The following CYP27C1 variants were observed in gnomAD, a reference collection of about 807,000 sequenced individuals.
CYP27C1 encodes cytochrome P450 27C1.
Under a neutral mutation model 40.6 loss-of-function variants are expected in CYP27C1, and 29 were observed. The ratio of observed to expected loss-of-function variants is 0.71; its 90% CI spans 0.53 to 0.97. The LOEUF (loss-of-function observed/expected upper bound fraction) is 0.97, where lower values mean the gene tolerates loss of function less well. Ranked by LOEUF, CYP27C1 falls within the 50% of genes least tolerant of loss-of-function variation. The pLI is 0.00. For missense variants in CYP27C1, 390 were observed against 485.8 expected (o/e 0.80, Z 1.85); for synonymous variants, 198 against 186.8 (o/e 1.06, Z -0.49).
rs1558936458 is a variant in CYP27C1, at chr2:127,219,904, CCCCTCCCTGGCG to C, written c.282+73_282+84del. On this transcript the variant is annotated intron_variant, in intron 1 of 8. Transcript: ENST00000664447. This position sits in a 1 kb window ranked among gnomAD's most constrained non-coding sequence, Gnocchi z 8.7. ...CTCCCTGGGACTCCCCAACCCCGCG[CCCCTCCCTGGCG>C]CCCTCCCGCCCGCGCCGTCAGCCTT... 1.3e-5 allele frequency: 2 copies of C among 152,262 alleles called. No homozygotes were observed. The highest frequency in any genetic ancestry group is 2.9e-5 in the Non-Finnish European group (2 of 68,130). 9.4% of individuals were successfully genotyped at this position (152,262 alleles called of 1,614,324 possible).
In CYP27C1 at chr2:127,199,363, C is replaced by G; in HGVS notation, c.1047+13G>C. On this transcript the variant is annotated intron_variant, in intron 5 of 8. Transcript: ENST00000664447. Reference sequence around the variant, plus strand: ...CGTGTGTTGCTTGCTGAGAACAGGACCCCCAGACTCACCGTGTCGACGCCG... The same window carrying G: ...CGTGTGTTGCTTGCTGAGAACAGGAGCCCCAGACTCACCGTGTCGACGCCG... 1 of 1,613,300 alleles carries G rather than the reference C, an allele frequency of 6.2e-7. No homozygotes were observed.
chr2:127,209,642 T>C lies in CYP27C1; in HGVS notation c.283-3552A>G, dbSNP rs1397613036. 6.6e-6 allele frequency among the ~76,000 whole-genome samples: 1 copy of C among 152,142 alleles called. No individual in the cohort carries two copies. Among genetic ancestry groups the C allele is most frequent in the Non-Finnish European group, 1.5e-5 (1 of 68,028 alleles). On this transcript the variant is annotated intron_variant, in intron 1 of 8. Transcript: ENST00000664447. The surrounding 1 kb of genome is among the most constrained non-coding windows in gnomAD (Gnocchi z 4.1). ...ATAAAAGGTTAGAGGAACTGCTAACTAGAATAACCAGTTTAGAGAGGAACA... is the reference window on the plus strand; with the variant it reads ...ATAAAAGGTTAGAGGAACTGCTAACCAGAATAACCAGTTTAGAGAGGAACA...
At chr2:127,190,036 T>C (rs573607455) in intron 8 of CYP27C1, among the ~76,000 whole-genome samples, 1 of 152,364 alleles carries the variant, frequency 6.6e-6, no homozygotes, top group East Asian at 1.9e-4. Flanking sequence ...CCTGAAGGTT[T>C]GATAAAACTT....
chr2:127,215,614 A>G (rs1683417108), intron 1 of CYP27C1, among the ~76,000 whole-genome samples: 1 of 152,218 alleles, frequency 6.6e-6, no homozygotes, highest in South Asian at 2.1e-4. Flanking sequence ...TCAGGCATGT[A>G]ATCCTAGCAC....
rs1310736334 is a variant in CYP27C1, at chr2:127,201,325, G to A, written c.680C>T (p.Ala227Val). 1.2e-6 allele frequency: 2 copies of A among 1,613,844 alleles called. No individual in the cohort carries two copies. The highest frequency in any genetic ancestry group is 4.5e-5 in the East Asian group (2 of 44,884). Reference protein sequence around the residue: ...LFFKYSMEGVATILYESRLGC... With the variant: ...LFFKYSMEGVVTILYESRLGC... ...CAAACGACTCTCATAAAGGATGGTGGCCACTCCTAGACAGGAAAGAGAATT... is the reference window on the plus strand; with the variant it reads ...CAAACGACTCTCATAAAGGATGGTGACCACTCCTAGACAGGAAAGAGAATT... Residue 227 changes from alanine to valine, a missense_variant, in exon 4 of 9, where the codon GCC (alanine) becomes GTC (valine). Coordinates refer to ENST00000664447, the MANE Select transcript of CYP27C1 (RefSeq NM_001367502.1). The surrounding 1 kb of genome is among the most constrained non-coding windows in gnomAD (Gnocchi z 6.0).
At position 127,211,376 on chromosome 2, in the gene CYP27C1, T is replaced by G. The variant is rs1466384305; in HGVS notation, c.283-5286A>C. ...CTAAAGCAGTGTTTTTTTGTTTTTT[T>G]TTTTTTTTTTTTTTTTTTTTTTTTG... is the stretch of plus-strand genomic sequence containing the variant. On this transcript the variant is annotated intron_variant, in intron 1 of 8. Transcript: ENST00000664447. 6.1e-4 allele frequency among the ~76,000 whole-genome samples: 60 copies of G among 98,620 alleles called. 1 individual carries two copies. The highest frequency in any genetic ancestry group is 2.9e-3 in the South Asian group (7 of 2,382). 64.7% of individuals were successfully genotyped at this position (98,620 alleles called of 152,430 possible).
chr2:127,218,509 A>C lies in CYP27C1; in HGVS notation c.282+1480T>G, dbSNP rs1683486567. 6.6e-6 allele frequency among the ~76,000 whole-genome samples: 1 copy of C among 152,052 alleles called. No homozygotes were observed. ...GTATAGGGTTGGCGTGGCGGACTTGAGGAGGGACGGTTGGGACTTCCTGGC... is the reference window on the plus strand; with the variant it reads ...GTATAGGGTTGGCGTGGCGGACTTGCGGAGGGACGGTTGGGACTTCCTGGC... On this transcript the variant is annotated intron_variant, in intron 1 of 8. Coordinates refer to ENST00000664447, the MANE Select transcript of CYP27C1 (RefSeq NM_001367502.1). This position sits in a 1 kb window ranked among gnomAD's most constrained non-coding sequence, Gnocchi z 6.0.
In CYP27C1 at chr2:127,195,653, C is replaced by T. The variant is rs1009542580; in HGVS notation, c.1048-152G>A. The T allele has an allele frequency of 4.1e-5, 26 of 633,728 alleles. 1 individual carries two copies. The highest frequency in any genetic ancestry group is 2.6e-4 in the Admixed American group (8 of 30,750). The allele number at this position is 633,728 out of a possible 1,614,324, so 39.3% of individuals were successfully genotyped here. On this transcript the variant is annotated intron_variant, in intron 5 of 8. Coordinates refer to ENST00000664447, the MANE Select transcript of CYP27C1 (RefSeq NM_001367502.1). The surrounding 1 kb of genome is among the most constrained non-coding windows in gnomAD (Gnocchi z 6.2). Reference sequence around the variant, plus strand: ...ATAGCACCTAATGTCTTACTAAAAACGAAAGACTGTTTCCTTAATTCATGG... The same window carrying T: ...ATAGCACCTAATGTCTTACTAAAAATGAAAGACTGTTTCCTTAATTCATGG...
intron 8 of CYP27C1, among the ~76,000 whole-genome samples, chr2:127,192,305 A>T (rs2104675292): frequency 6.6e-6 from 1 of 152,286 alleles, no homozygotes; most frequent in South Asian, 2.1e-4. Context: ...GGAGCTCCCA[A>T]ACTTCGGGCC....
chr2:127,208,546 G>A lies in CYP27C1; in HGVS notation c.283-2456C>T, dbSNP rs535876396. ...GCTGCCTGCTGTCTAAGTAATTTGA[G>A]CTCCTTGGGGGAGGGGCAGCAGCCA... On this transcript the variant is annotated intron_variant, in intron 1 of 8. Transcript: ENST00000664447. The surrounding 1 kb of genome is among the most constrained non-coding windows in gnomAD (Gnocchi z 5.2). Among the ~76,000 whole-genome samples, 2 of 152,370 alleles carry A rather than the reference G, an allele frequency of 1.3e-5. No homozygotes were observed. Among genetic ancestry groups the A allele is most frequent in the Non-Finnish European group, 1.5e-5 (1 of 68,038 alleles).
Position 127,201,483 on chromosome 2 carries a change from T to C in CYP27C1, c.674-152A>G, listed in dbSNP as rs373392857. 2.7e-6 allele frequency: 2 copies of C among 727,698 alleles called. No homozygotes were observed. The highest frequency in any genetic ancestry group is 3.5e-5 in the African/African-American group (2 of 56,376). 45.1% of individuals were successfully genotyped at this position (727,698 alleles called of 1,614,324 possible). A position where few individuals can be genotyped will look rare whatever the true frequency, so the allele number is the denominator to read the frequency against. On this transcript the variant is annotated intron_variant, in intron 3 of 8. Coordinates refer to ENST00000664447, the MANE Select transcript of CYP27C1 (RefSeq NM_001367502.1). This position sits in a 1 kb window ranked among gnomAD's most constrained non-coding sequence, Gnocchi z 6.0. Reference sequence around the variant, plus strand: ...CTGAGGATTTCTCTGCATCCTGAACTGCAGGGTGCTGGCATTTAGGGCTGA... The same window carrying C: ...CTGAGGATTTCTCTGCATCCTGAACCGCAGGGTGCTGGCATTTAGGGCTGA...
intron 8 of CYP27C1, among the ~76,000 whole-genome samples, chr2:127,192,627 G>C (rs1180744563): frequency 6.6e-6 from 1 of 151,566 alleles, no homozygotes. Context: ...CCCGGGGGGG[G>C]GGGCTGCTGC....
chr2:127,187,330 T>C lies in CYP27C1; in HGVS notation c.1555A>G (p.Thr519Ala), dbSNP rs775729720. 3 of 1,613,872 alleles carry C rather than the reference T, an allele frequency of 1.9e-6. No homozygotes were observed. Among genetic ancestry groups the C allele is most frequent in the Non-Finnish European group, 2.5e-6 (3 of 1,179,924 alleles). ...SSQTNAVHAK[T>A]HGLLTPGGPI... ...CCCCCTGGCGTCAGGAGCCCGTGGG[T>C]TTTTGCATGAACAGCATTGGTCTGA... The change falls in exon 9 of 9, where the codon ACC becomes GCC. Residue 519 changes from threonine (T) to alanine (A), a missense_variant. By Grantham distance (58) the Thr-to-Ala change is moderately conservative (BLOSUM62 0). Transcript: ENST00000664447.
rs1346889564 is a variant in CYP27C1 at position 127,209,314 on chromosome 2, T to C, written c.283-3224A>G. 6.6e-6 allele frequency among the ~76,000 whole-genome samples: 1 copy of C among 152,012 alleles called. No homozygotes were observed. The highest frequency in any genetic ancestry group is 1.5e-5 in the Non-Finnish European group (1 of 68,018). ...CAAACAGAAAGCGACAACAACAGCA[T>C]TGATAACAACAACAAAAAAAGGCCC... On this transcript the variant is annotated intron_variant, in intron 1 of 8. Coordinates refer to ENST00000664447, the MANE Select transcript of CYP27C1 (RefSeq NM_001367502.1). This position sits in a 1 kb window ranked among gnomAD's most constrained non-coding sequence, Gnocchi z 4.1.
Position 127,195,546 on chromosome 2 carries a change from C to A in CYP27C1, c.1048-45G>T. 6.2e-7 allele frequency: 1 copy of A among 1,602,018 alleles called. No homozygotes were observed. ...GACACAGGCAGGCAGTGAGTAACACCAGGGACTGAAACAGAGGCGGTGGCA... is the reference window on the plus strand; with the variant it reads ...GACACAGGCAGGCAGTGAGTAACACAAGGGACTGAAACAGAGGCGGTGGCA... On this transcript the variant is annotated intron_variant, in intron 5 of 8. Transcript: ENST00000664447. The surrounding 1 kb of genome is among the most constrained non-coding windows in gnomAD (Gnocchi z 6.2).
chr2:127,207,470 T>C (rs1392664482), intron 1 of CYP27C1, among the ~76,000 whole-genome samples: 1 of 152,098 alleles, frequency 6.6e-6, no homozygotes, highest in African/African-American at 2.4e-5. Context: ...CACTCCACCC[T>C]GGGCAACAAG....
chr2:127,189,168 G>GCCCCCCCCT (rs1682705729), intron 8 of CYP27C1, among the ~76,000 whole-genome samples: 3 of 129,130 alleles, frequency 2.3e-5, no homozygotes, highest in Non-Finnish European at 5.0e-5. Context: ...AAAAAACACT[G>GCCCCCCCCT]CCCCCCCCCT....
chr2:127,207,989 T>C (rs1683263919), intron 1 of CYP27C1, among the ~76,000 whole-genome samples: 1 of 152,176 alleles, frequency 6.6e-6, no homozygotes, highest in South Asian at 2.1e-4. Context: ...CTAAAATTCA[T>C]ATGAAAATGC....
At chr2:127,217,807 G>A (rs923960040) in intron 1 of CYP27C1, among the ~76,000 whole-genome samples, 5 of 152,196 alleles carry the variant, frequency 3.3e-5, no homozygotes, top group Admixed American at 1.3e-4. Flanking sequence ...GGGAGCGCAA[G>A]TGAACTGGAT....
Sources: allele counts gnomAD v4.1 joint callset (sites outside exome capture counted in the v4.1 genomes callset), GRCh38; gene constraint gnomAD v4.1.1; non-coding constraint Gnocchi (gnomAD v3.1); transcripts MANE v1.5; gene names NCBI Gene and HGNC (gene_info 2026-07-23, HGNC 2026-07-21).